Variants in TTC34 observed in about 807,000 individuals in gnomAD.
TTC34 encodes the protein tetratricopeptide repeat domain 34.
TTC34 carries 44 observed loss-of-function variants against 40.7 expected under a neutral mutation model. The ratio of observed to expected loss-of-function variants is 1.08; its 90% CI spans 0.85 to 1.39. The LOEUF (loss-of-function observed/expected upper bound fraction) is 1.39. Ranked by LOEUF, TTC34 falls within the 40% of genes most tolerant of loss-of-function variation. The pLI is 0.00. For missense variants in TTC34, 884 were observed against 838.0 expected, an observed-to-expected ratio of 1.05 and a Z score of -0.68; for synonymous variants, 422 against 398.6, an observed-to-expected ratio of 1.06 and a Z score of -0.70.
Position 2,645,580 on chromosome 1 carries a change from CGGGCGGGT to C in TTC34, c.2227-25_2227-18del. On this transcript the variant is annotated intron_variant, in intron 6 of 8. Transcript: ENST00000401095. The surrounding 1 kb of genome is among the most constrained non-coding windows in gnomAD (Gnocchi z 4.7). Reference sequence around the variant, plus strand: ...CACGGCTTCCTGCAAGGAGGGAGGGCGGGCGGGTGCAGAGTTGTCCTAAGTAGAGAAAC... The same window carrying C: ...CACGGCTTCCTGCAAGGAGGGAGGGCGCAGAGTTGTCCTAAGTAGAGAAAC... 4 of 24,728 alleles carry C rather than the reference CGGGCGGGT, an allele frequency of 1.6e-4. No homozygotes were observed. Among genetic ancestry groups the C allele is most frequent in the Non-Finnish European group, 2.9e-4 (4 of 13,600 alleles). The allele number at this position is 24,728 out of a possible 1,614,324, so 1.5% of individuals were successfully genotyped here.
At chr1:2,749,988 T>G (rs1434911979) in intron 6 of TTC34, among the ~76,000 whole-genome samples, 2 of 75,478 alleles carry the variant, frequency 2.6e-5, no homozygotes, top group African/African-American at 7.4e-5. Flanking sequence ...TTGGACACCC[T>G]GGAGCAGCAC....
intron 5 of TTC34, among the ~76,000 whole-genome samples, chr1:2,784,968 G>A (rs1643556390): frequency 7.2e-6 from 1 of 138,320 alleles, no homozygotes; most frequent in Admixed American, 7.2e-5. Flanking sequence ...GCTGCTCTGG[G>A]CCACTCTGGG....
intron 6 of TTC34, among the ~76,000 whole-genome samples, chr1:2,773,136 A>G (rs1343091036): frequency 1.1e-4 from 16 of 141,894 alleles, no homozygotes; most frequent in African/African-American, 3.6e-4. Context: ...CAGCACACAC[A>G]ACCCCAGGCG....
intron 6 of TTC34, among the ~76,000 whole-genome samples, chr1:2,752,736 C>T (rs1450313367): frequency 8.4e-6 from 1 of 119,518 alleles, no homozygotes; most frequent in African/African-American, 3.6e-5. Flanking sequence ...CCCTGCACCC[C>T]CAGGACAGCA....
At chr1:2,768,493 C>A (rs534299319) in intron 6 of TTC34, among the ~76,000 whole-genome samples, 103 of 150,914 alleles carry the variant, frequency 6.8e-4, no homozygotes, top group African/African-American at 2.1e-3. Flanking sequence ...GGGAAAAGCT[C>A]CCCGCCCTCA....
intron 5 of TTC34, among the ~76,000 whole-genome samples, chr1:2,785,001 G>GCTCTGGGCCA (rs1186736713): frequency 5.3e-5 from 8 of 152,138 alleles, no homozygotes; most frequent in African/African-American, 9.6e-5. Flanking sequence ...GCTCTGGGCC[G>GCTCTGGGCCA]CTCTGGGCCG....
intron 2 of TTC34, among the ~76,000 whole-genome samples, chr1:2,791,143 C>G (rs1334832304): frequency 1.3e-5 from 2 of 152,162 alleles, no homozygotes; most frequent in Non-Finnish European, 2.9e-5. Flanking sequence ...CACCTGCCCC[C>G]CACCCCAGTG....
Position 2,793,178 on chromosome 1 carries a change from T to C in TTC34, c.785-2832A>G, listed in dbSNP as rs1643681260. ...TTCCTGATGACTAGTGAGGTTTACT[T>C]ATTAATTTTTTTCCCCAATCTGGTG... On this transcript the variant is annotated intron_variant, in intron 2 of 8. Transcript: ENST00000401095. 2.0e-5 allele frequency among the ~76,000 whole-genome samples: 3 copies of C among 152,210 alleles called. No individual in the cohort carries two copies. The South Asian group carries it at 6.2e-4, about 32-fold the overall frequency.
intron 6 of TTC34, among the ~76,000 whole-genome samples, chr1:2,768,634 C>T (rs1228625576): frequency 2.0e-5 from 3 of 151,904 alleles, no homozygotes; most frequent in African/African-American, 7.3e-5. Context: ...AGGTGAGCAT[C>T]CGACAGCCTG....
At chr1:2,653,399 C>G (rs1639218677) in intron 6 of TTC34, among the ~76,000 whole-genome samples, 1 of 152,148 alleles carries the variant, frequency 6.6e-6, no homozygotes, top group Non-Finnish European at 1.5e-5. Context: ...CATGTAACAG[C>G]ACCCACACCC....
intron 6 of TTC34, among the ~76,000 whole-genome samples, chr1:2,767,844 C>T (rs1010947909): frequency 2.7e-5 from 4 of 150,910 alleles, no homozygotes; most frequent in South Asian, 2.1e-4. Context: ...GCAGCACCCA[C>T]ACCCCCAGGT....
At chr1:2,749,482 ATCC>A (rs1641247356) in intron 6 of TTC34, among the ~76,000 whole-genome samples, 1 of 98,314 alleles carries the variant, frequency 1.0e-5, no homozygotes, top group African/African-American at 4.9e-5. Flanking sequence ...CAGCACCCAC[ATCC>A]CCAGGTGAGC....
exon 3 of TTC34, chr1:2,789,845 C>G (rs573652672): frequency 2.9e-4 from 126 of 432,840 alleles, no homozygotes; most frequent in African/African-American, 2.0e-3. Context: ...CCGCGAGTCC[C>G]CGGCGTGCAG....
exon 3 of TTC34, chr1:2,789,829 G>A (rs1248309350): frequency 2.3e-6 from 1 of 439,134 alleles, no homozygotes; most frequent in Non-Finnish European, 4.0e-6. Context: ...AGTCCTCCAT[G>A]GCGCGCCGCG....
chr1:2,789,884 G>A, exon 3 of TTC34: 1 of 416,954 alleles, frequency 2.4e-6, no homozygotes. Context: ...AGCCAGGAGA[G>A]GTGCGCGGTC....
chr1:2,799,301 G>A (rs1643748903), intron 2 of TTC34, among the ~76,000 whole-genome samples: 1 of 152,230 alleles, frequency 6.6e-6, no homozygotes, highest in Non-Finnish European at 1.5e-5. Context: ...CCAGCACTTT[G>A]GGAGGCTGAG....
intron 6 of TTC34, among the ~76,000 whole-genome samples, chr1:2,699,808 T>C (rs141247719): frequency 0.031 from 716 of 22,978 alleles, 64 homozygotes; most frequent in Admixed American, 0.06. Context: ...GAGCATCACA[T>C]ACTCCCCCAG....
At position 2,800,628 on chromosome 1, in the gene TTC34, C is replaced by T. The variant is rs1181709414; in HGVS notation, c.200G>A (p.Arg67His). 1.2e-4 allele frequency: 48 copies of T among 398,408 alleles called. 1 individual carries two copies. The East Asian group carries it at 1.5e-3, about 12-fold the overall frequency. 24.7% of individuals were successfully genotyped at this position (398,408 alleles called of 1,614,324 possible). The change falls in exon 2 of 9, where the codon CGC becomes CAC. Residue 67 changes from arginine to histidine, a missense_variant. Physicochemically the swap from Arg to His is conservative, Grantham distance 29. Coordinates refer to ENST00000401095, the Ensembl canonical transcript of TTC34. ...GATGGCGGGGATCTGGCTGTCCCCG[C>T]GGCACCAGGACTCCAGGGTGGCCAC...
chr1:2,698,334 G>C, intron 6 of TTC34, among the ~76,000 whole-genome samples: 2 of 60,728 alleles, frequency 3.3e-5, no homozygotes, highest in Admixed American at 1.7e-4. Flanking sequence ...ACCCCCAGGC[G>C]AGCATCTGAC....
Sources: allele counts gnomAD v4.1 joint callset (sites outside exome capture counted in the v4.1 genomes callset), GRCh38; gene constraint gnomAD v4.1.1; non-coding constraint Gnocchi (gnomAD v3.1); transcripts MANE v1.5; gene names NCBI Gene and HGNC (gene_info 2026-07-23, HGNC 2026-07-21).